The following SORCS1 variants were observed in gnomAD, a reference collection of about 807,000 sequenced individuals.
SORCS1 encodes VPS10 domain-containing receptor SorCS1.
In SORCS1, 60 loss-of-function variants were observed where a neutral mutation model predicts 146.1. The ratio of observed to expected loss-of-function variants is 0.41; its 90% CI spans 0.33 to 0.51. The LOEUF (loss-of-function observed/expected upper bound fraction) is 0.51, where lower values mean the gene tolerates loss of function less well. SORCS1 is among the 20% of genes least tolerant of loss of function. SORCS1 has a pLI of 0.21. For synonymous variants in SORCS1, 637 were observed against 584.0 expected (o/e 1.09, Z -1.31); for missense variants, 1,352 against 1,487.6 (o/e 0.91, Z 1.50).
intron 2 of SORCS1, among the ~76,000 whole-genome samples, chr10:106,859,866 T>C (rs1200843424): frequency 6.6e-6 from 1 of 152,216 alleles, no homozygotes; most frequent in Non-Finnish European, 1.5e-5. Flanking sequence ...AGGAGCAAAA[T>C]GCATTTATGC....
intron 10 of SORCS1, 103 bp downstream of exon 10, chr10:106,688,089 T>C (rs547415199): frequency 4.7e-6 from 7 of 1,488,638 alleles, no homozygotes; most frequent in Non-Finnish European, 6.3e-6. Context: ...TCCCTTTTGT[T>C]CATCAACTGA....
At chr10:107,163,355 CTTAGCGCTG>C (rs148040484) in intron 1 of SORCS1, among the ~76,000 whole-genome samples, 2 of 152,294 alleles carry the variant, frequency 1.3e-5, no homozygotes, top group East Asian at 3.9e-4. Flanking sequence ...AACACCCTCG[CTTAGCGCTG>C]TTAGAAGATG....
At chr10:106,620,174 A>AAAGAC in intron 20 of SORCS1, 1 of 369,438 alleles carries the variant, frequency 2.7e-6, no homozygotes. Flanking sequence ...GAGTCACTAC[A>AAAGAC]AAGACAAGTA....
chr10:106,802,687 C>T (rs769411884), intron 3 of SORCS1, among the ~76,000 whole-genome samples: 97 of 152,176 alleles, frequency 6.4e-4, no homozygotes, highest in Non-Finnish European at 6.8e-4. Context: ...TTAGTAGAGA[C>T]GGGGTTTCAC....
chr10:106,696,275 TCTTA>T (rs1169209817), intron 9 of SORCS1, among the ~76,000 whole-genome samples: 34 of 152,246 alleles, frequency 2.2e-4, no homozygotes, highest in Admixed American at 1.6e-3. Flanking sequence ...TTATGGATTT[TCTTA>T]CTTCTCATTT....
At chr10:106,844,942 T>G (rs984090454) in intron 2 of SORCS1, among the ~76,000 whole-genome samples, 1 of 149,392 alleles carries the variant, frequency 6.7e-6, no homozygotes, top group Non-Finnish European at 1.5e-5. Flanking sequence ...TAGTATTCCA[T>G]GGTGTATATT....
At chr10:106,804,362 A>G (rs973448447) in intron 3 of SORCS1, among the ~76,000 whole-genome samples, 2 of 132,174 alleles carry the variant, frequency 1.5e-5, no homozygotes, top group East Asian at 2.0e-4. Flanking sequence ...ATAAAATAAA[A>G]TAAAATAAAA....
At chr10:106,791,767 G>C (rs1028169510) in intron 3 of SORCS1, among the ~76,000 whole-genome samples, 2 of 152,162 alleles carry the variant, frequency 1.3e-5, no homozygotes, top group African/African-American at 4.8e-5. Flanking sequence ...TTTTTCAGAA[G>C]AGTATACTAA....
chr10:107,064,723 G>A (rs1961572314), intron 1 of SORCS1, among the ~76,000 whole-genome samples: 1 of 152,184 alleles, frequency 6.6e-6, no homozygotes, highest in Admixed American at 6.5e-5. Flanking sequence ...ATATATTTGT[G>A]TAATTATGCC....
At chr10:107,132,282 T>G (rs1450578862) in intron 1 of SORCS1, among the ~76,000 whole-genome samples, 2 of 138,820 alleles carry the variant, frequency 1.4e-5, no homozygotes, top group Admixed American at 1.4e-4. Flanking sequence ...ATAGACAATT[T>G]CACATTTTTC....
intron 1 of SORCS1, among the ~76,000 whole-genome samples, chr10:107,155,801 G>A (rs1021845415): frequency 8.5e-5 from 13 of 152,106 alleles, no homozygotes; most frequent in South Asian, 6.2e-4. Flanking sequence ...GACTAGAGGC[G>A]TCAATCTATT....
chr10:107,067,028 A>G (rs1961937545), intron 1 of SORCS1, among the ~76,000 whole-genome samples: 1 of 152,216 alleles, frequency 6.6e-6, no homozygotes, highest in Non-Finnish European at 1.5e-5. Flanking sequence ...TGGGAGGGGT[A>G]CAGTAAAACC....
chr10:106,673,009 A>G, intron 14 of SORCS1, 24 bp from the exon 15 acceptor site: 1 of 1,575,742 alleles, frequency 6.3e-7, no homozygotes, highest in South Asian at 1.1e-5. Flanking sequence ...GGTGATAAAA[A>G]TAATTACAAT....
rs1564820257 is a variant in SORCS1, at chr10:106,652,466, CG to C, written c.2390del (p.Pro797ArgfsTer6). On this transcript the variant is annotated frameshift_variant, in exon 18 of 26. Coordinates refer to ENST00000263054, the MANE Select transcript of SORCS1 (RefSeq NM_052918.5). LOFTEE classifies it high-confidence loss of function. ...CAGCCGTGACTATCCGCAGCCCCCG[CG>C]GGGCTTTCCCTGGGCACTTCTGCGG... is the stretch of plus-strand genomic sequence containing the variant. ...AKPQKCPGKAPRGLRIVTADG... is the reference protein window; with the variant it reads ...AKPQKCPGKAXRGLRIVTADG... The C allele has an allele frequency of 1.2e-6, 2 of 1,614,110 alleles. No individual in the cohort carries two copies. Among genetic ancestry groups the C allele is most frequent in the Non-Finnish European group, 1.7e-6 (2 of 1,179,996 alleles).
intron 5 of SORCS1, among the ~76,000 whole-genome samples, chr10:106,740,673 CTAT>C (rs1564918626): frequency 6.6e-6 from 1 of 152,188 alleles, no homozygotes; most frequent in Non-Finnish European, 1.5e-5. Context: ...TGGTTTCCAT[CTAT>C]TAAGTGTGAG....
intron 24 of SORCS1, among the ~76,000 whole-genome samples, chr10:106,583,108 A>C (rs1845020362): frequency 6.6e-6 from 1 of 152,220 alleles, no homozygotes; most frequent in Admixed American, 6.5e-5. Context: ...TTTAGTCTAG[A>C]AATTTGTGAG....
chr10:106,923,767 A>G (rs984652502), intron 2 of SORCS1, among the ~76,000 whole-genome samples: 3 of 152,080 alleles, frequency 2.0e-5, no homozygotes, highest in Non-Finnish European at 2.9e-5. Context: ...TCGGCCAGTT[A>G]TCTGTTCAGA....
intron 1 of SORCS1, among the ~76,000 whole-genome samples, chr10:107,139,949 C>G (rs570575553): frequency 1.1e-4 from 16 of 152,292 alleles, no homozygotes; most frequent in Non-Finnish European, 1.8e-4. Flanking sequence ...TAAGTAATTT[C>G]TTTGAAGTCA....
At chr10:106,919,840 T>C (rs1952622067) in intron 2 of SORCS1, among the ~76,000 whole-genome samples, 1 of 152,226 alleles carries the variant, frequency 6.6e-6, no homozygotes, top group South Asian at 2.1e-4. Flanking sequence ...TGTTTCAATA[T>C]GAATATTTAT....
Sources: allele counts gnomAD v4.1 joint callset (sites outside exome capture counted in the v4.1 genomes callset), GRCh38; gene constraint gnomAD v4.1.1; transcripts MANE v1.5; gene names NCBI Gene and HGNC (gene_info 2026-07-23, HGNC 2026-07-21).